The following DIS3L2 variants were observed in gnomAD, a reference collection of about 807,000 sequenced individuals.
DIS3L2 encodes the protein DIS3-like exonuclease 2.
Under a neutral mutation model 97.5 loss-of-function variants are expected in DIS3L2, and 34 were observed. The ratio of observed to expected loss-of-function variants is 0.35; its 90% confidence interval spans 0.27 to 0.46. The LOEUF (loss-of-function observed/expected upper bound fraction) is 0.46, where lower values mean the gene tolerates loss of function less well. Ranked by LOEUF, DIS3L2 falls within the 20% of genes least tolerant of loss-of-function variation. The pLI is 1.00. For missense variants in DIS3L2, 1,038 were observed against 1,146.0 expected, an observed-to-expected ratio of 0.91 and a Z score of 1.36; for synonymous variants, 435 against 445.2, an observed-to-expected ratio of 0.98 and a Z score of 0.29.
chr2:232,014,710 A>G, intron 1 of DIS3L2, 125 bp from the exon 2 acceptor site: 1 of 469,816 alleles, frequency 2.1e-6, no homozygotes, highest in Non-Finnish European at 3.7e-6. Context: ...TGCCCCAGAG[A>G]ATGTGATGCC....
Position 232,130,655 on chromosome 2 carries a change from A to G in DIS3L2, c.638A>G (p.Glu213Gly). The G allele has an allele frequency of 1.9e-6, 3 of 1,613,646 alleles. No individual in the cohort carries two copies. Among genetic ancestry groups the G allele is most frequent in the Non-Finnish European group, 2.5e-6 (3 of 1,179,748 alleles). ...GGTGATGCACCGGTTACAAAAGATG[A>G]GACCACCTGCATTTCACAAGACACA... The part of the protein sequence containing the change: ...EDGDAPVTKD[E>G]TTCISQDTRA... The change falls in exon 7 of 21, where the codon GAG (glutamate) becomes GGG (glycine). Residue 213 changes from glutamate to glycine, a missense_variant. By Grantham distance (98) the Glu-to-Gly change is moderately conservative. Coordinates refer to ENST00000325385, the MANE Select transcript of DIS3L2 (RefSeq NM_152383.5).
chr2:232,157,717 G>C (rs2106371982), intron 8 of DIS3L2, among the ~76,000 whole-genome samples: 1 of 152,298 alleles, frequency 6.6e-6, no homozygotes, highest in Non-Finnish European at 1.5e-5. Context: ...GCATGGCTGT[G>C]TATCAGGTGC....
chr2:232,300,652 CTTTTT>C (rs35570747), intron 14 of DIS3L2, among the ~76,000 whole-genome samples: 5 of 121,440 alleles, frequency 4.1e-5, no homozygotes, highest in South Asian at 2.5e-4. Context: ...TAGACTGCTC[CTTTTT>C]TTTTTTTTTT....
In DIS3L2 at chr2:232,122,437, C is replaced by T. The variant is rs1697933720; in HGVS notation, c.602-8182C>T. On this transcript the variant is annotated intron_variant, in intron 6 of 20. Transcript: ENST00000325385. ...GGATTCACTTATAACTCGCTACAGG[C>T]CAGGCACGGTGGCTCACGCCTGTAA... 2.6e-5 allele frequency among the ~76,000 whole-genome samples: 4 copies of T among 152,194 alleles called. No individual in the cohort carries two copies. In the South Asian group the frequency reaches 8.3e-4, roughly 32 times the overall value.
intron 5 of DIS3L2, among the ~76,000 whole-genome samples, chr2:232,075,164 T>A (rs949639030): frequency 6.6e-6 from 1 of 152,040 alleles, no homozygotes; most frequent in Non-Finnish European, 1.5e-5. Context: ...GCATTTAGAG[T>A]CCTAGACCTG....
chr2:231,970,971 C>A (rs1406295416), intron 1 of DIS3L2, among the ~76,000 whole-genome samples: 2 of 152,116 alleles, frequency 1.3e-5, no homozygotes, highest in Non-Finnish European at 2.9e-5. Context: ...CACAAACACA[C>A]ACGTTAGCCT....
In DIS3L2 at chr2:232,004,498, T is replaced by C. The variant is rs190449398; in HGVS notation, c.-93-10337T>C. Among the ~76,000 whole-genome samples, 773 of 152,342 alleles carry C rather than the reference T, an allele frequency of 5.1e-3. 2 individuals carry two copies. The highest frequency in any genetic ancestry group is 0.013 in the Admixed American group (193 of 15,300). ...ATAAAGTTTAAACTCCTTGAGTGTT[T>C]ATTCTTTTACCTCTATTTTGCTATT... is the stretch of plus-strand genomic sequence containing the variant. On this transcript the variant is annotated intron_variant, in intron 1 of 20. Transcript: ENST00000325385.
Position 232,014,824 on chromosome 2 carries a change from C to A in DIS3L2, c.-93-11C>A. ...ACCGCTCTCCAATTACCAATCTCTT[C>A]TTGGTTTCAGCGAATGACAACAGAG... On this transcript the variant is annotated splice_polypyrimidine_tract_variant and intron_variant, in intron 1 of 20. Coordinates refer to ENST00000325385, the MANE Select transcript of DIS3L2 (RefSeq NM_152383.5). 7.8e-7 allele frequency: 1 copy of A among 1,275,090 alleles called. No individual in the cohort carries two copies. The highest frequency in any genetic ancestry group is 1.1e-6 in the Non-Finnish European group (1 of 907,026). The allele number at this position is 1,275,090 out of a possible 1,614,324, so 79.0% of individuals were successfully genotyped here.
chr2:232,205,730 AGGTTTT>A (rs1692011530), intron 9 of DIS3L2, among the ~76,000 whole-genome samples: 6 of 152,316 alleles, frequency 3.9e-5, no homozygotes, highest in African/African-American at 1.4e-4. Flanking sequence ...CAAGTTAGGA[AGGTTTT>A]CTGAGTTTCC....
intron 9 of DIS3L2, among the ~76,000 whole-genome samples, chr2:232,205,453 C>A (rs1198916232): frequency 1.3e-5 from 2 of 151,924 alleles, no homozygotes; most frequent in Non-Finnish European, 2.9e-5. Flanking sequence ...CATGCTCATG[C>A]CACCACAATG....
At chr2:232,127,276 C>A (rs1451712870) in intron 6 of DIS3L2, among the ~76,000 whole-genome samples, 1 of 152,180 alleles carries the variant, frequency 6.6e-6, no homozygotes, top group East Asian at 1.9e-4. Flanking sequence ...ATAGAACCAC[C>A]TCCGAAATAG....
intron 1 of DIS3L2, among the ~76,000 whole-genome samples, chr2:231,968,066 CT>C (rs1033528354): frequency 2.0e-5 from 3 of 151,734 alleles, no homozygotes; most frequent in African/African-American, 7.3e-5. Context: ...TTTCATACCC[CT>C]GGCTCCCTGA....
intron 6 of DIS3L2, among the ~76,000 whole-genome samples, chr2:232,110,874 C>T (rs563099718): frequency 6.6e-6 from 1 of 151,362 alleles, no homozygotes; most frequent in Admixed American, 6.6e-5. Context: ...TACCCTTGAA[C>T]TTAAAAGTTG....
Position 232,244,973 on chromosome 2 carries a change from G to A in DIS3L2, c.1318-4266G>A, listed in dbSNP as rs1467779094. 2.0e-5 allele frequency among the ~76,000 whole-genome samples: 3 copies of A among 152,176 alleles called. No individual in the cohort carries two copies. In the East Asian group the frequency reaches 5.8e-4, roughly 29 times the overall value. On this transcript the variant is annotated intron_variant, in intron 11 of 20. Coordinates refer to ENST00000325385, the MANE Select transcript of DIS3L2 (RefSeq NM_152383.5). ...AGTAGGAAAGGGCGATTATAAGATCGATCATAGGGTTTGTGGAGCTGGGAT... is the reference window on the plus strand; with the variant it reads ...AGTAGGAAAGGGCGATTATAAGATCAATCATAGGGTTTGTGGAGCTGGGAT...
intron 9 of DIS3L2, among the ~76,000 whole-genome samples, chr2:232,176,670 C>T (rs887684615): frequency 3.3e-5 from 5 of 151,722 alleles, no homozygotes; most frequent in African/African-American, 4.8e-5. Flanking sequence ...CTCACTACAA[C>T]CTCCGCCTTC....
chr2:232,096,766 A>AT (rs551621006), intron 6 of DIS3L2, among the ~76,000 whole-genome samples: 4 of 151,514 alleles, frequency 2.6e-5, no homozygotes, highest in Non-Finnish European at 2.9e-5. Context: ...TTTCTGTTTG[A>AT]TTTTTTTTAA....
At chr2:232,086,659 A>ATATATGTGTATATATATATATGTG (rs1553606035) in intron 5 of DIS3L2, among the ~76,000 whole-genome samples, 2 of 92,494 alleles carry the variant, frequency 2.2e-5, no homozygotes, top group African/African-American at 4.4e-5. Context: ...ATATATATAT[A>ATATATGTGTATATATATATATGTG]TGTGTGTGTG....
intron 8 of DIS3L2, among the ~76,000 whole-genome samples, chr2:232,142,895 G>A (rs1446570782): frequency 1.3e-5 from 2 of 152,124 alleles, no homozygotes; most frequent in Non-Finnish European, 2.9e-5. Flanking sequence ...ACATTCTCAG[G>A]GCTGTGATGC....
intron 5 of DIS3L2, among the ~76,000 whole-genome samples, chr2:232,083,290 C>A (rs59510701): frequency 4.5e-5 from 3 of 67,386 alleles, no homozygotes; most frequent in Admixed American, 2.6e-4. Context: ...CCCCCCCCCC[C>A]CCCCCACATA....
Sources: gnomAD v4.1 joint callset for allele counts (sites outside exome capture counted in the v4.1 genomes callset) on GRCh38, gnomAD v4.1.1 for gene constraint, MANE v1.5 for transcripts, NCBI Gene and HGNC (gene_info 2026-07-23, HGNC 2026-07-21) for gene names.